The following ENTREP2 variants were observed in gnomAD, a reference collection of about 807,000 sequenced individuals.
The protein encoded by ENTREP2 is endosomal transmembrane epsin interactor 2.
At chr15:29,225,630 T>C in the ENTREP2 span, among the ~76,000 whole-genome samples, 1 of 152,028 alleles carries the variant, frequency 6.6e-6, no homozygotes, top group Non-Finnish European at 1.5e-5. Context: ...AGTGCATTGC[T>C]CTCCCTGCCT....
At chr15:29,607,666 T>A in the ENTREP2 span, among the ~76,000 whole-genome samples, 1 of 152,160 alleles carries the variant, frequency 6.6e-6, no homozygotes, top group African/African-American at 2.4e-5. Context: ...TTCTCTCTAG[T>A]TTTTAAAATT....
the ENTREP2 span, among the ~76,000 whole-genome samples, chr15:29,167,001 C>A: frequency 6.6e-6 from 1 of 151,950 alleles, no homozygotes; most frequent in Non-Finnish European, 1.5e-5. Context: ...AATACAGAAC[C>A]CAGAAATAAA....
chr15:29,389,859 G>A, the ENTREP2 span, among the ~76,000 whole-genome samples: 1 of 151,784 alleles, frequency 6.6e-6, no homozygotes, highest in Admixed American at 6.6e-5. Flanking sequence ...CAAAACATCT[G>A]CTTTCTCCCC....
chr15:29,223,209 C>T, the ENTREP2 span, among the ~76,000 whole-genome samples: 1 of 151,606 alleles, frequency 6.6e-6, no homozygotes, highest in African/African-American at 2.4e-5. Flanking sequence ...AGTTGGGGAA[C>T]ACCACATTAA....
chr15:29,554,635 A>T, the ENTREP2 span, among the ~76,000 whole-genome samples: 1 of 152,104 alleles, frequency 6.6e-6, no homozygotes, highest in African/African-American at 2.4e-5. Context: ...GATAGTATTA[A>T]GTGTGCTGAA....
chr15:29,395,814 G>GC, the ENTREP2 span, among the ~76,000 whole-genome samples: 3 of 152,022 alleles, frequency 2.0e-5, no homozygotes, highest in African/African-American at 7.2e-5. Context: ...GATTACAGGT[G>GC]TGAGCCACCA....
chr15:29,620,243 T>C, the ENTREP2 span, among the ~76,000 whole-genome samples: 3 of 152,096 alleles, frequency 2.0e-5, no homozygotes, highest in Admixed American at 6.5e-5. Context: ...GTCAGGTGAA[T>C]TGCAGGAGAA....
chr15:29,583,462 G>A, the ENTREP2 span, among the ~76,000 whole-genome samples: 3 of 152,166 alleles, frequency 2.0e-5, no homozygotes, highest in South Asian at 4.1e-4. Context: ...CACAGGGAGG[G>A]CACAACACTT....
the ENTREP2 span, among the ~76,000 whole-genome samples, chr15:29,430,163 G>A: frequency 6.6e-6 from 1 of 152,134 alleles, no homozygotes; most frequent in Non-Finnish European, 1.5e-5. Context: ...AGGTGAGTTA[G>A]AGATACCACC....
the ENTREP2 span, among the ~76,000 whole-genome samples, chr15:29,608,813 C>T: frequency 6.6e-6 from 1 of 151,704 alleles, no homozygotes. Flanking sequence ...GTGATGCGCC[C>T]GCCTCGGCCT....
chr15:29,665,375 C>G, the ENTREP2 span, among the ~76,000 whole-genome samples: 4 of 152,368 alleles, frequency 2.6e-5, no homozygotes, highest in South Asian at 2.1e-4. Flanking sequence ...CTTCTGGTGT[C>G]TGTTAACTAG....
At chr15:29,578,172 C>A in the ENTREP2 span, among the ~76,000 whole-genome samples, 1 of 152,106 alleles carries the variant, frequency 6.6e-6, no homozygotes, top group Non-Finnish European at 1.5e-5. Flanking sequence ...ATGAAAATAA[C>A]AAGTGTTGGA....
chr15:29,405,064 C>G, the ENTREP2 span, among the ~76,000 whole-genome samples: 1 of 152,180 alleles, frequency 6.6e-6, no homozygotes, highest in African/African-American at 2.4e-5. Flanking sequence ...CACTTCTAAC[C>G]TGTTTTCCAC....
At chr15:29,392,124 G>A in the ENTREP2 span, among the ~76,000 whole-genome samples, 6 of 151,604 alleles carry the variant, frequency 4.0e-5, no homozygotes, top group South Asian at 2.1e-4. Flanking sequence ...CACTGTGCCC[G>A]GCCTTTTTTT....
At chr15:29,180,405 C>T in the ENTREP2 span, among the ~76,000 whole-genome samples, 2 of 152,194 alleles carry the variant, frequency 1.3e-5, no homozygotes, top group Admixed American at 6.5e-5. Flanking sequence ...CTGGCTCACG[C>T]CTGTAATCCC....
the ENTREP2 span, among the ~76,000 whole-genome samples, chr15:29,444,232 AAGAAAGAAAGAAAG>A: frequency 7.0e-6 from 1 of 142,266 alleles, no homozygotes; most frequent in African/African-American, 2.5e-5. Flanking sequence ...GAAAGAAAGA[AAGAAAGAAAGAAAG>A]AAAGAGAAAG....
chr15:29,541,655 G>C, the ENTREP2 span, among the ~76,000 whole-genome samples: 1 of 152,136 alleles, frequency 6.6e-6, no homozygotes, highest in African/African-American at 2.4e-5. Context: ...GGAATGAGAA[G>C]TTTTCTAGAC....
the ENTREP2 span, among the ~76,000 whole-genome samples, chr15:29,649,765 G>T: frequency 6.8e-6 from 1 of 146,546 alleles, no homozygotes; most frequent in Non-Finnish European, 1.5e-5. Flanking sequence ...AAAGAAAAAA[G>T]AAAGAAAAGA....
At chr15:29,457,236 C>A in the ENTREP2 span, among the ~76,000 whole-genome samples, 1 of 152,340 alleles carries the variant, frequency 6.6e-6, no homozygotes, top group East Asian at 1.9e-4. Flanking sequence ...CACATCCAGT[C>A]GGAATGTCCC....
Sources: gnomAD v4.1 joint callset for allele counts (sites outside exome capture counted in the v4.1 genomes callset) on GRCh38, gnomAD v4.1.1 for gene constraint, MANE v1.5 for transcripts, NCBI Gene and HGNC (gene_info 2026-07-23, HGNC 2026-07-21) for gene names.